Variants in RBM19 observed in about 807,000 individuals in gnomAD.
RBM19 encodes the protein RNA binding motif protein 19.
Under a neutral mutation model 116.8 loss-of-function variants are expected in RBM19, and 94 were observed. The ratio of observed to expected loss-of-function variants is 0.80; its 90% CI spans 0.68 to 0.95. The LOEUF is 0.95. Among genes scored for constraint, RBM19 ranks in the 40% least tolerant of loss-of-function variants. The pLI is 0.00. For missense variants in RBM19, 1,161 were observed against 1,220.7 expected (o/e 0.95, Z 0.73); for synonymous variants, 475 against 494.1 (o/e 0.96, Z 0.51).
Position 113,946,340 on chromosome 12 carries a change from G to C in RBM19, c.1529+14C>G. 6.2e-7 allele frequency: 1 copy of C among 1,614,086 alleles called. No homozygotes were observed. Among genetic ancestry groups the C allele is most frequent in the Non-Finnish European group, 8.5e-7 (1 of 1,179,984 alleles). On this transcript the variant is annotated intron_variant, in intron 12 of 23. Coordinates refer to ENST00000261741, the MANE Select transcript of RBM19 (RefSeq NM_016196.4). ...TTGGGGTTGGAGCTCAGTGGTTTCAGGGGCACTGAGGACCTGGCACTGTTG... is the reference window on the plus strand; with the variant it reads ...TTGGGGTTGGAGCTCAGTGGTTTCACGGGCACTGAGGACCTGGCACTGTTG...
intron 6 of RBM19, among the ~76,000 whole-genome samples, chr12:113,957,255 G>A (rs1433374860): frequency 6.6e-6 from 1 of 152,190 alleles, no homozygotes; most frequent in African/African-American, 2.4e-5. Flanking sequence ...CTGGAAGGCA[G>A]GTGACCTCTC....
intron 20 of RBM19, among the ~76,000 whole-genome samples, chr12:113,916,513 G>A (rs1030169906): frequency 6.6e-6 from 1 of 152,214 alleles, no homozygotes; most frequent in Non-Finnish European, 1.5e-5. Flanking sequence ...CATGCCCTGG[G>A]TAATCCCTTC....
rs1876805884 is a variant in RBM19, at chr12:113,844,741, C to G, written c.2712G>C (p.Arg904Ser). The G allele has an allele frequency of 1.2e-6, 2 of 1,613,652 alleles. No individual in the cohort carries two copies. The highest frequency in any genetic ancestry group is 1.7e-6 in the Non-Finnish European group (2 of 1,179,892). Residue 904 changes from arginine (R) to serine (S), a missense_variant, in exon 23 of 24, where the codon AGG becomes AGC. By Grantham distance (110) the Arg-to-Ser change is moderately radical. Coordinates refer to ENST00000261741, the MANE Select transcript of RBM19 (RefSeq NM_016196.4). The part of the protein sequence containing the change: ...LCHSTHLYGR[R>S]LVLEWADSEV... ...CGGAGTCGGCCCACTCCAGCACCAG[C>G]CTCCGCCCGTACAAGTGGGTGCTGT... is the stretch of plus-strand genomic sequence containing the variant.
intron 21 of RBM19, among the ~76,000 whole-genome samples, chr12:113,874,915 CAA>C (rs1008766352): frequency 8.5e-5 from 13 of 152,242 alleles, no homozygotes; most frequent in African/African-American, 3.1e-4. Context: ...AGTCCCAGAC[CAA>C]GAGGTCACAG....
Position 113,927,083 on chromosome 12 carries a change from A to G in RBM19, c.2215T>C (p.Phe739Leu). 1 of 1,613,508 alleles carries G rather than the reference A, an allele frequency of 6.2e-7. No individual in the cohort carries two copies. Among genetic ancestry groups the G allele is most frequent in the Non-Finnish European group, 8.5e-7 (1 of 1,179,956 alleles). Residue 739 changes from phenylalanine (F) to leucine (L), a missense_variant, in exon 17 of 24, where the codon TTT (phenylalanine) becomes CTT (leucine). Transcript: ENST00000261741. Reference protein sequence around the residue: ...GCTLFIKNLNFDTTEEKLKEV... With the variant: ...GCTLFIKNLNLDTTEEKLKEV... ...TTCAGCTTCTCTTCTGTTGTGTCAA[A>G]ATTGAGATTCTTAATAAACAGAGTA...
intron 23 of RBM19, among the ~76,000 whole-genome samples, chr12:113,840,046 G>A (rs1876328413): frequency 6.6e-6 from 1 of 151,362 alleles, no homozygotes; most frequent in South Asian, 2.1e-4. Context: ...CAGCCATACG[G>A]GGACCCAGGT....
intron 21 of RBM19, among the ~76,000 whole-genome samples, chr12:113,892,683 G>T (rs1881041698): frequency 6.6e-6 from 1 of 152,214 alleles, no homozygotes; most frequent in Non-Finnish European, 1.5e-5. Context: ...ACGGGGAAGA[G>T]AGAATGCAGA....
chr12:113,835,135 C>G (rs995149531), intron 23 of RBM19, among the ~76,000 whole-genome samples: 1 of 152,174 alleles, frequency 6.6e-6, no homozygotes, highest in African/African-American at 2.4e-5. Context: ...GCACATTAGC[C>G]AGCTTTTCTG....
At chr12:113,921,393 C>T (rs1868545307) in intron 18 of RBM19, among the ~76,000 whole-genome samples, 2 of 152,170 alleles carry the variant, frequency 1.3e-5, no homozygotes, top group South Asian at 2.1e-4. Flanking sequence ...GTCCCCCCAC[C>T]TTCCACCCAC....
downstream of RBM19, among the ~76,000 whole-genome samples, chr12:113,819,960 G>GTT (rs1044457529): frequency 3.3e-5 from 5 of 150,270 alleles, no homozygotes; most frequent in Admixed American, 2.6e-4. Flanking sequence ...TTTTGACAGG[G>GTT]TAAAAGGCTC....
At chr12:113,887,942 G>C (rs1565997865) in intron 21 of RBM19, among the ~76,000 whole-genome samples, 1 of 152,112 alleles carries the variant, frequency 6.6e-6, no homozygotes, top group Non-Finnish European at 1.5e-5. Context: ...GGCTGTTGTT[G>C]AACTCGTGGG....
chr12:113,875,152 G>A (rs1879571353), intron 21 of RBM19, among the ~76,000 whole-genome samples: 1 of 152,282 alleles, frequency 6.6e-6, no homozygotes, highest in Non-Finnish European at 1.5e-5. Flanking sequence ...GGGACAGGGA[G>A]CACGGGAGCG....
At chr12:113,843,725 C>T (rs1273143809) in intron 23 of RBM19, among the ~76,000 whole-genome samples, 1 of 152,202 alleles carries the variant, frequency 6.6e-6, no homozygotes, top group African/African-American at 2.4e-5. Context: ...CAAGGGGCAC[C>T]TGCCATACTT....
At chr12:113,902,334 G>C (rs1411919149) in intron 21 of RBM19, among the ~76,000 whole-genome samples, 1 of 152,078 alleles carries the variant, frequency 6.6e-6, no homozygotes, top group Non-Finnish European at 1.5e-5. Flanking sequence ...GTGTGTGGTG[G>C]CTCACACCTG....
chr12:113,881,676 A>G (rs933482563), intron 21 of RBM19, among the ~76,000 whole-genome samples: 3 of 152,236 alleles, frequency 2.0e-5, no homozygotes, highest in Admixed American at 1.3e-4. Context: ...ACGGCCAGAC[A>G]GGAAGGCAAA....
In RBM19 at chr12:113,834,098, T is replaced by C. The variant is rs531600781; in HGVS notation, c.2785+10570A>G. Among the ~76,000 whole-genome samples the C allele has an allele frequency of 1.5e-3, 224 of 152,268 alleles. 1 individual carries two copies. Among genetic ancestry groups the C allele is most frequent in the Non-Finnish European group, 2.4e-3 (162 of 68,014 alleles). On this transcript the variant is annotated intron_variant, in intron 23 of 23. Coordinates refer to ENST00000261741, the MANE Select transcript of RBM19 (RefSeq NM_016196.4). ...AGGACTTGGTATCATTAGAACTTTG[T>C]TGCTATTTATTTATTTTTTTGGTAG...
intron 21 of RBM19, among the ~76,000 whole-genome samples, chr12:113,873,689 TAAA>T (rs146761765): frequency 1.6e-5 from 2 of 127,690 alleles, no homozygotes; most frequent in Non-Finnish European, 1.6e-5. Context: ...AAAAATAAAT[TAAA>T]AAAAAAAAAA....
intron 21 of RBM19, among the ~76,000 whole-genome samples, chr12:113,902,425 C>T (rs1455733705): frequency 1.3e-5 from 2 of 152,044 alleles, no homozygotes; most frequent in South Asian, 4.2e-4. Flanking sequence ...ATAGCAAGCC[C>T]TGTCTCTACA....
chr12:113,840,628 G>A (rs996836042), intron 23 of RBM19, among the ~76,000 whole-genome samples: 1 of 152,230 alleles, frequency 6.6e-6, no homozygotes, highest in Non-Finnish European at 1.5e-5. Context: ...CTGATGGGAG[G>A]CCGTGGCCGG....
Sources: allele counts gnomAD v4.1 joint callset (sites outside exome capture counted in the v4.1 genomes callset), GRCh38; gene constraint gnomAD v4.1.1; transcripts MANE v1.5; gene names NCBI Gene and HGNC (gene_info 2026-07-23, HGNC 2026-07-21).